SCML2: variants seen among roughly 807,000 people sequenced by gnomAD.
The protein encoded by SCML2 is Scm polycomb group protein like 2.
Under a neutral mutation model 48.4 loss-of-function variants are expected in SCML2, and 6 were observed. That is an observed-to-expected ratio of 0.12 (90% confidence interval 0.07 to 0.24). SCML2 has a LOEUF of 0.24. Ranked by LOEUF, SCML2 falls within the 10% of genes least tolerant of loss-of-function variation. SCML2 has a pLI of 1.00. For missense variants in SCML2, 377 were observed against 528.2 expected, an observed-to-expected ratio of 0.71 and a Z score of 2.81; for synonymous variants, 181 against 189.5, an observed-to-expected ratio of 0.95 and a Z score of 0.37.
intron 7 of SCML2, among the ~76,000 whole-genome samples, chrX:18,285,238 A>G (rs1156835125): frequency 9.1e-6 from 1 of 110,487 alleles, no homozygotes; most frequent in East Asian, 2.8e-4. Flanking sequence ...TTATACCAAA[A>G]AGACACATGC....
At chrX:18,315,002 G>C (rs1159502857) in intron 6 of SCML2, among the ~76,000 whole-genome samples, 1 of 102,635 alleles carries the variant, frequency 9.7e-6, no homozygotes, top group African/African-American at 3.6e-5. Context: ...TGAGGCAGGA[G>C]AATCACTTAA....
At chrX:18,272,125 C>A (rs182954161) in intron 7 of SCML2, among the ~76,000 whole-genome samples, 301 of 111,271 alleles carry the variant, frequency 2.7e-3, no homozygotes, top group African/African-American at 9.4e-3. Context: ...AAGAGCCACT[C>A]GTCCCATCCC....
At chrX:18,311,983 G>T (rs1336730270) in intron 6 of SCML2, among the ~76,000 whole-genome samples, 1 of 111,483 alleles carries the variant, frequency 9.0e-6, no homozygotes, top group Non-Finnish European at 1.9e-5. Context: ...GTAGAGACAG[G>T]GTTTCACCCT....
chrX:18,340,920 A>G (rs1367530339), intron 1 of SCML2, among the ~76,000 whole-genome samples: 2 of 111,951 alleles, frequency 1.8e-5, no homozygotes, highest in Non-Finnish European at 3.8e-5. Flanking sequence ...AACTATATTT[A>G]TCAAATACTG....
intron 11 of SCML2, among the ~76,000 whole-genome samples, chrX:18,248,735 C>T (rs757128087): frequency 3.6e-5 from 4 of 112,223 alleles, no homozygotes; most frequent in South Asian, 3.7e-4. Flanking sequence ...CATATTTCTA[C>T]AATTAAGACA....
In SCML2 at chrX:18,257,028, A is replaced by C; in HGVS notation, c.1276T>G (p.Ser426Ala). The C allele has an allele frequency of 4.3e-6, 5 of 1,165,305 alleles. No homozygotes were observed. Among genetic ancestry groups the C allele is most frequent in the Non-Finnish European group, 5.7e-6 (5 of 873,183 alleles). ...ATGGAATGAGTTTCCCCATCAAAGG[A>C]GGCTATTGGGGGAAAAAAAAGGATG... The part of the protein sequence containing the change: ...DNRGGEVITA[S>A]FDGETHSIQL... The change falls in exon 11 of 15, where the codon TCC becomes GCC. Residue 426 changes from serine to alanine, a missense_variant and splice_region_variant. Physicochemically the swap from Ser to Ala is moderately conservative, Grantham distance 99 (BLOSUM62 1). This residue lies in a region of SCML2 where 299 missense variants were observed against 425.5 expected (regional missense o/e 0.70). Coordinates refer to ENST00000251900, the MANE Select transcript of SCML2 (RefSeq NM_006089.3).
At chrX:18,354,161 G>C (rs1426146016) in intron 1 of SCML2, among the ~76,000 whole-genome samples, 1 of 112,941 alleles carries the variant, frequency 8.9e-6, no homozygotes, top group Non-Finnish European at 1.9e-5. Context: ...AACTCCAAAA[G>C]TTATCTCAGC....
chrX:18,303,678 T>C (rs1402356042), intron 7 of SCML2, among the ~76,000 whole-genome samples: 2 of 112,203 alleles, frequency 1.8e-5, no homozygotes, highest in Non-Finnish European at 3.8e-5. Context: ...CTATGTTTTA[T>C]TTATCTTAAT....
intron 7 of SCML2, among the ~76,000 whole-genome samples, chrX:18,285,645 T>C (rs1334982429): frequency 1.8e-5 from 2 of 111,062 alleles, no homozygotes; most frequent in Non-Finnish European, 3.8e-5. Context: ...CCTGTACATG[T>C]ACCGTCTGTA....
chrX:18,251,740 CAG>C (rs1315631409), intron 11 of SCML2, among the ~76,000 whole-genome samples: 3 of 112,214 alleles, frequency 2.7e-5, no homozygotes, highest in Non-Finnish European at 5.6e-5. Context: ...TCAAGTTAAA[CAG>C]AGTTAACCAT....
At chrX:18,274,640 T>C (rs1444880894) in intron 7 of SCML2, among the ~76,000 whole-genome samples, 1 of 111,895 alleles carries the variant, frequency 8.9e-6, no homozygotes, top group Non-Finnish European at 1.9e-5. Context: ...CCTCTGTGTA[T>C]CTTCATAGCC....
At chrX:18,294,420 C>A (rs913439576) in intron 7 of SCML2, among the ~76,000 whole-genome samples, 1 of 110,894 alleles carries the variant, frequency 9.0e-6, no homozygotes, top group Non-Finnish European at 1.9e-5. Context: ...AATATTCCCA[C>A]CATGGACTCC....
At chrX:18,254,639 T>C (rs1926774749) in intron 11 of SCML2, among the ~76,000 whole-genome samples, 1 of 111,956 alleles carries the variant, frequency 8.9e-6, no homozygotes, top group African/African-American at 3.2e-5. Context: ...AATCAGGAAA[T>C]TGGGCCTGGC....
chrX:18,316,126 C>T (rs190735483), intron 6 of SCML2, among the ~76,000 whole-genome samples: 5 of 112,550 alleles, frequency 4.4e-5, no homozygotes, highest in East Asian at 2.8e-4. Context: ...CAGTGATTCA[C>T]GCCTGTAATC....
At chrX:18,313,828 G>A (rs1929034357) in intron 6 of SCML2, among the ~76,000 whole-genome samples, 1 of 111,953 alleles carries the variant, frequency 8.9e-6, no homozygotes, top group Admixed American at 9.5e-5. Flanking sequence ...CTACTTTGCA[G>A]AAATAGGAAT....
At chrX:18,341,331 G>T in intron 1 of SCML2, 1 of 404,182 alleles carries the variant, frequency 2.5e-6, no homozygotes. Context: ...CAGGAGAAGC[G>T]GGTGAAATTT....
chrX:18,256,826 AAGAGT>A lies in SCML2; in HGVS notation c.1456+17_1456+21del. 9.0e-7 allele frequency: 1 copy of A among 1,111,272 alleles called. No individual in the cohort carries two copies. Among genetic ancestry groups the A allele is most frequent in the Non-Finnish European group, 1.2e-6 (1 of 838,573 alleles). 91.6% of individuals were successfully genotyped at this position (1,111,272 alleles called of 1,213,427 possible). A position where few individuals can be genotyped will look rare whatever the true frequency, so the allele number is the denominator to read the frequency against. The stretch of plus-strand genomic sequence containing the variant: ...AGATTCTCAAGTGAAACAGAAGTGT[AAGAGT>A]TTACATTTTCTCTCACCTGACTGAT... On this transcript the variant is annotated intron_variant, in intron 11 of 14. Transcript: ENST00000251900.
At position 18,239,592 on chromosome X, in the gene SCML2, A is replaced by T. The variant is rs1602066715; in HGVS notation, c.*1659T>A. 8.8e-6 allele frequency: 1 copy of T among 113,057 alleles called. No individual in the cohort carries two copies. Among genetic ancestry groups the T allele is most frequent in the Admixed American group, 9.4e-5 (1 of 10,632 alleles). The allele number at this position is 113,057 out of a possible 1,213,427, so 9.3% of individuals were successfully genotyped here. A position where few individuals can be genotyped will look rare whatever the true frequency, so the allele number is the denominator to read the frequency against. On this transcript the variant is annotated 3_prime_UTR_variant, in exon 15 of 15. Coordinates refer to ENST00000251900, the MANE Select transcript of SCML2 (RefSeq NM_006089.3). ...GAATATTTTATTGGCATTTACAACA[A>T]ATGGCTAATACTTTTATAACTGATT... is the stretch of plus-strand genomic sequence containing the variant.
At chrX:18,271,575 G>C (rs924959036) in intron 7 of SCML2, among the ~76,000 whole-genome samples, 6 of 109,724 alleles carry the variant, frequency 5.5e-5, no homozygotes, top group African/African-American at 1.7e-4. Flanking sequence ...AGATGTGAAA[G>C]CATGTTTATA....
Sources: allele counts gnomAD v4.1 joint callset (sites outside exome capture counted in the v4.1 genomes callset), GRCh38; gene constraint gnomAD v4.1.1; regional missense constraint gnomAD v4.1.1; transcripts MANE v1.5; gene names NCBI Gene and HGNC (gene_info 2026-07-23, HGNC 2026-07-21).